The following SYCP2 variants were observed in gnomAD, a reference collection of about 807,000 sequenced individuals.
The protein encoded by SYCP2 is synaptonemal complex protein 2, also known as synaptonemal complex lateral element protein.
A neutral mutation model predicts 211.3 loss-of-function variants in SYCP2; 55 were observed. The ratio of observed to expected loss-of-function variants is 0.26; its 90% CI spans 0.21 to 0.33. SYCP2 has a LOEUF of 0.33. Ranked by LOEUF, SYCP2 falls within the 10% of genes least tolerant of loss-of-function variation. SYCP2 has a pLI of 1.00. For synonymous variants in SYCP2, 570 were observed against 555.2 expected, an observed-to-expected ratio of 1.03 and a Z score of -0.37; for missense variants, 1,731 against 1,752.0, an observed-to-expected ratio of 0.99 and a Z score of 0.21.
intron 1 of SYCP2, among the ~76,000 whole-genome samples, 166 bp from the exon 2 acceptor site, chr20:59,932,320 G>A (rs2060766296): frequency 1.3e-5 from 2 of 152,130 alleles, no homozygotes; most frequent in Non-Finnish European, 2.9e-5. Context: ...TAGCTAAGGT[G>A]TCCAAAAAGA....
At chr20:59,926,200 GCTCACAGCTATGTGTGGACT>G (rs2060631708) in intron 2 of SYCP2, among the ~76,000 whole-genome samples, 1 of 152,048 alleles carries the variant, frequency 6.6e-6, no homozygotes, top group African/African-American at 2.4e-5. Context: ...AAAAATGTTT[GCTCACAGCTATGTGTGGACT>G]CTCACTGTAT....
intron 1 of SYCP2, chr20:59,933,347 G>C (rs2060809010): frequency 6.6e-6 from 1 of 151,736 alleles, no homozygotes; most frequent in African/African-American, 2.4e-5. Flanking sequence ...AGCCACCCTC[G>C]CCGCGAACTC....
intron 31 of SYCP2, among the ~76,000 whole-genome samples, 197 bp downstream of exon 31, chr20:59,880,106 C>T (rs1274845541): frequency 6.6e-6 from 1 of 150,422 alleles, no homozygotes; most frequent in East Asian, 1.9e-4. Flanking sequence ...AATTTGTGTC[C>T]CTAAGGTCCT....
intron 26 of SYCP2, among the ~76,000 whole-genome samples, chr20:59,883,913 C>CCA (rs998834180): frequency 2.6e-5 from 4 of 151,580 alleles, no homozygotes; most frequent in Admixed American, 1.3e-4. Context: ...TGCGTTCTTG[C>CCA]CACACACACA....
intron 24 of SYCP2, 58 bp downstream of exon 24, chr20:59,891,932 A>G: frequency 7.2e-7 from 1 of 1,398,132 alleles, no homozygotes; most frequent in Non-Finnish European, 9.7e-7. Context: ...TTTCTTTCTT[A>G]TGTTATCAAG....
intron 31 of SYCP2, among the ~76,000 whole-genome samples, chr20:59,880,093 C>G (rs2059647025): frequency 6.6e-6 from 1 of 150,880 alleles, no homozygotes; most frequent in Non-Finnish European, 1.5e-5. Context: ...AATGATAAGT[C>G]ATAATTTGTG....
intron 35 of SYCP2, among the ~76,000 whole-genome samples, chr20:59,872,524 C>A (rs1299465125): frequency 6.6e-6 from 1 of 151,662 alleles, no homozygotes; most frequent in Non-Finnish European, 1.5e-5. Context: ...TTATAAATTG[C>A]ATATTTATAA....
intron 2 of SYCP2, among the ~76,000 whole-genome samples, chr20:59,928,976 G>C (rs1250334045): frequency 2.6e-5 from 4 of 152,010 alleles, no homozygotes; most frequent in Non-Finnish European, 4.4e-5. Context: ...TTGTAAAAGA[G>C]AGGCAGCATA....
chr20:59,905,020 T>C (rs1237031330), intron 15 of SYCP2, among the ~76,000 whole-genome samples: 2 of 152,098 alleles, frequency 1.3e-5, no homozygotes, highest in Non-Finnish European at 2.9e-5. Flanking sequence ...ACTAAGCAAA[T>C]ATGTCTGCTC....
At chr20:59,876,031 G>A (rs1325369445) in intron 33 of SYCP2, among the ~76,000 whole-genome samples, 2 of 151,974 alleles carry the variant, frequency 1.3e-5, no homozygotes, top group Admixed American at 6.6e-5. Context: ...TAAGATGAGA[G>A]GTGGCTTGAG....
At chr20:59,872,938 A>G (rs2059482710) in intron 35 of SYCP2, among the ~76,000 whole-genome samples, 1 of 152,134 alleles carries the variant, frequency 6.6e-6, no homozygotes, top group African/African-American at 2.4e-5. Flanking sequence ...TTAGGTGTTT[A>G]TAAGGAAGTT....
chr20:59,867,691 T>C lies in SYCP2; in HGVS notation c.4125+20A>G, dbSNP rs188366147. On this transcript the variant is annotated intron_variant, in intron 39 of 44. Coordinates refer to ENST00000357552, the MANE Select transcript of SYCP2 (RefSeq NM_014258.4). The stretch of plus-strand genomic sequence containing the variant: ...TTATTATATTATTGGGTATAAATCA[T>C]AATTTAAAGAATAACTCACATTATT... 8.2e-5 allele frequency: 131 copies of C among 1,591,094 alleles called. No homozygotes were observed. In the African/African-American group the frequency reaches 1.6e-3, roughly 20 times the overall value.
rs760663797 is a variant in SYCP2 at position 59,900,288 on chromosome 20, T to C, written c.1258-4A>G. The C allele has an allele frequency of 3.2e-6, 5 of 1,580,776 alleles. No individual in the cohort carries two copies. In the African/African-American group the frequency reaches 5.5e-5, roughly 17 times the overall value. On this transcript the variant is annotated splice_region_variant and splice_polypyrimidine_tract_variant and intron_variant, in intron 17 of 44. Coordinates refer to ENST00000357552, the MANE Select transcript of SYCP2 (RefSeq NM_014258.4). Reference sequence around the variant, plus strand: ...TTTGACTTTCTGGCACTAGAATCTGTTGGAGAATATGAAAAAAAAAGTATT... The same window carrying C: ...TTTGACTTTCTGGCACTAGAATCTGCTGGAGAATATGAAAAAAAAAGTATT...
intron 35 of SYCP2, among the ~76,000 whole-genome samples, chr20:59,873,425 C>T (rs1304134300): frequency 6.6e-6 from 1 of 152,140 alleles, no homozygotes; most frequent in African/African-American, 2.4e-5. Flanking sequence ...ATACTCTGGA[C>T]AAAGGGTTGA....
intron 7 of SYCP2, among the ~76,000 whole-genome samples, chr20:59,918,820 T>C (rs112976207): frequency 6.6e-6 from 1 of 152,174 alleles, no homozygotes; most frequent in Non-Finnish European, 1.5e-5. Flanking sequence ...TGAAATGTTA[T>C]TCTCTCGCAA....
chr20:59,880,807 A>G (rs2059663191), intron 30 of SYCP2, among the ~76,000 whole-genome samples, 159 bp downstream of exon 30: 2 of 151,818 alleles, frequency 1.3e-5, no homozygotes, highest in African/African-American at 4.8e-5. Context: ...ATGATTACAA[A>G]TAGCTGAAAG....
chr20:59,912,923 T>A (rs577444377), intron 12 of SYCP2, among the ~76,000 whole-genome samples: 12 of 152,344 alleles, frequency 7.9e-5, no homozygotes, highest in African/African-American at 2.6e-4. Context: ...TTGCTCCTCC[T>A]TGCCTTCTGC....
At chr20:59,907,474 C>A (rs773151640) in intron 14 of SYCP2, 50 bp from the exon 15 acceptor site, 3 of 1,472,816 alleles carry the variant, frequency 2.0e-6, no homozygotes, top group Non-Finnish European at 2.8e-6. Context: ...TTCTGATTTA[C>A]AGTTTCTTTA....
intron 6 of SYCP2, 128 bp downstream of exon 6, chr20:59,919,365 C>T: frequency 1.3e-6 from 1 of 750,128 alleles, no homozygotes; most frequent in Admixed American, 2.7e-5. Flanking sequence ...ACAATCTGAA[C>T]AGACCAATCC....
Sources: gnomAD v4.1 joint callset for allele counts (sites outside exome capture counted in the v4.1 genomes callset) on GRCh38, gnomAD v4.1.1 for gene constraint, MANE v1.5 for transcripts, NCBI Gene and HGNC (gene_info 2026-07-23, HGNC 2026-07-21) for gene names.